The following MAG variants were observed in gnomAD, a reference collection of about 807,000 sequenced individuals.
MAG encodes myelin associated glycoprotein.
A neutral mutation model predicts 60.7 loss-of-function variants in MAG; 30 were observed. The ratio of observed to expected loss-of-function variants is 0.49; its 90% confidence interval spans 0.37 to 0.67. The LOEUF is 0.67. Among genes scored for constraint, MAG ranks in the 30% least tolerant of loss-of-function variants. The probability of loss-of-function intolerance (pLI) is 0.00; values close to 1 mark genes in which losing one functional copy is unlikely to be tolerated. For synonymous variants in MAG, 384 were observed against 376.8 expected, an observed-to-expected ratio of 1.02 and a Z score of -0.22; for missense variants, 795 against 851.7, an observed-to-expected ratio of 0.93 and a Z score of 0.83.
At chr19:35,309,432 C>T (rs1430386324) in intron 7 of MAG, among the ~76,000 whole-genome samples, 2 of 151,862 alleles carry the variant, frequency 1.3e-5, no homozygotes, top group African/African-American at 4.8e-5. Context: ...TTCTTTCATT[C>T]TTTCATTTTT....
At chr19:35,305,081 C>G (rs7249617) in intron 7 of MAG, among the ~76,000 whole-genome samples, 6,666 of 152,196 alleles carry the variant, frequency 0.044, 431 homozygotes, top group African/African-American at 0.14. Context: ...AAAACGAACA[C>G]GCAGGCAGAT....
rs2066385682 is a variant in MAG at position 35,295,075 on chromosome 19, C to T, written c.-23-311C>T. On this transcript the variant is annotated intron_variant, in intron 2 of 10. Coordinates refer to ENST00000392213, the MANE Select transcript of MAG (RefSeq NM_002361.4). The surrounding 1 kb of genome is among the most constrained non-coding windows in gnomAD (Gnocchi z 5.8). ...GACCAGCCTGGGCAACATAGTAAGACCCCACCTCCACAACCATTTCCACAA... is the reference window on the plus strand; with the variant it reads ...GACCAGCCTGGGCAACATAGTAAGATCCCACCTCCACAACCATTTCCACAA... Among the ~76,000 whole-genome samples, 1 of 152,138 alleles carries T rather than the reference C, an allele frequency of 6.6e-6. No homozygotes were observed. Among genetic ancestry groups the T allele is most frequent in the South Asian group, 2.1e-4 (1 of 4,828 alleles).
intron 10 of MAG, 53 bp from the exon 11 acceptor site, chr19:35,313,237 A>G: frequency 2.6e-6 from 4 of 1,566,668 alleles, no homozygotes; most frequent in Non-Finnish European, 3.5e-6. Context: ...TGTCCTCTGC[A>G]TTGGGAAAAG....
chr19:35,305,682 T>TG (rs74172717), intron 7 of MAG, among the ~76,000 whole-genome samples: 1 of 152,126 alleles, frequency 6.6e-6, no homozygotes, highest in Non-Finnish European at 1.5e-5. Context: ...AGGCTGGGCG[T>TG]GGTGGCCCAC....
chr19:35,303,381 A>G (rs1290658125), intron 7 of MAG, among the ~76,000 whole-genome samples: 1 of 152,166 alleles, frequency 6.6e-6, no homozygotes, highest in Non-Finnish European at 1.5e-5. Context: ...TTTAATCCTC[A>G]TGACATCTTC....
intron 7 of MAG, among the ~76,000 whole-genome samples, chr19:35,309,433 T>C (rs1237046585): frequency 6.6e-6 from 1 of 151,930 alleles, no homozygotes; most frequent in Non-Finnish European, 1.5e-5. Context: ...TCTTTCATTC[T>C]TTCATTTTTG....
rs749478596 is a variant in MAG at position 35,302,587 on chromosome 19, C to T, written c.1110C>T (p.Ile370=). 1 of 1,614,236 alleles carries T rather than the reference C, an allele frequency of 6.2e-7. No homozygotes were observed. The highest frequency in any genetic ancestry group is 8.5e-7 in the Non-Finnish European group (1 of 1,180,050). ...AGAAGCAGATCCTGTCCACGGTCAT[C>T]TACGAGAGCGAGCTGCAGCTGGAGC... ...FKEKQILSTV[I]YESELQLELP... Residue 370 remains isoleucine (I), a synonymous_variant, in exon 7 of 11, where the codon ATC becomes ATT. Transcript: ENST00000392213.
At chr19:35,310,967 C>T (rs1599659634) in intron 9 of MAG, among the ~76,000 whole-genome samples, 1 of 152,202 alleles carries the variant, frequency 6.6e-6, no homozygotes, top group Non-Finnish European at 1.5e-5. Context: ...CCCAGGTACC[C>T]CACTGCAGCC....
rs1427551361 is a variant in MAG, at chr19:35,295,438, C to A, written c.30C>A (p.Phe10Leu). ...TATTCCTCACGGCACTGCCTCTGTT[C>A]TGGATTATGATTTCAGGTAACGGCT... is the stretch of plus-strand genomic sequence containing the variant. Reference protein sequence around the residue: MIFLTALPLFWIMISASRGG... With the variant: MIFLTALPLLWIMISASRGG... The change falls in exon 3 of 11, where the codon TTC (phenylalanine) becomes TTA (leucine). Residue 10 changes from phenylalanine to leucine, a missense_variant. Coordinates refer to ENST00000392213, the MANE Select transcript of MAG (RefSeq NM_002361.4). This position sits in a 1 kb window ranked among gnomAD's most constrained non-coding sequence, Gnocchi z 5.8. 6.2e-7 allele frequency: 1 copy of A among 1,614,056 alleles called. No homozygotes were observed. The highest frequency in any genetic ancestry group is 8.5e-7 in the Non-Finnish European group (1 of 1,180,024).
At position 35,299,864 on chromosome 19, in the gene MAG, C is replaced by CGGGAG; in HGVS notation, c.712+17_712+18insAGGGG. 3 of 297,510 alleles carry CGGGAG rather than the reference C, an allele frequency of 1.0e-5. No homozygotes were observed. The highest frequency in any genetic ancestry group is 1.3e-5 in the Non-Finnish European group (3 of 239,854). The allele number at this position is 297,510 out of a possible 1,614,324, so 18.4% of individuals were successfully genotyped here. ...TGGACGTCAAGTGTGAGCCTGGGTGCGGGCGGGGCGGGGTGGGGCGGGGTG... is the reference window on the plus strand; with the variant it reads ...TGGACGTCAAGTGTGAGCCTGGGTGCGGGAGGGGCGGGGCGGGGTGGGGCGGGGTG... On this transcript the variant is annotated intron_variant, in intron 5 of 10. Coordinates refer to ENST00000392213, the MANE Select transcript of MAG (RefSeq NM_002361.4).
At chr19:35,296,318 T>G (rs1158089988) in intron 4 of MAG, among the ~76,000 whole-genome samples, 1 of 152,212 alleles carries the variant, frequency 6.6e-6, no homozygotes, top group African/African-American at 2.4e-5. Context: ...GTGACTTAAC[T>G]TCCTTGGGCC....
rs925936464 is a variant in MAG, at chr19:35,295,134, G to A, written c.-23-252G>A. Among the ~76,000 whole-genome samples, 4 of 152,070 alleles carry A rather than the reference G, an allele frequency of 2.6e-5. No individual in the cohort carries two copies. Among genetic ancestry groups the A allele is most frequent in the African/African-American group, 4.8e-5 (2 of 41,388 alleles). ...AAAAATTAACTGGGTGTGGGGTGGCGCATACCAGAAGCTGAGACAAGAGGA... is the reference window on the plus strand; with the variant it reads ...AAAAATTAACTGGGTGTGGGGTGGCACATACCAGAAGCTGAGACAAGAGGA... On this transcript the variant is annotated intron_variant, in intron 2 of 10. Transcript: ENST00000392213. The surrounding 1 kb of genome is among the most constrained non-coding windows in gnomAD (Gnocchi z 5.8).
intron 4 of MAG, among the ~76,000 whole-genome samples, chr19:35,297,589 C>A (rs1422604382): frequency 7.0e-6 from 1 of 143,762 alleles, no homozygotes; most frequent in African/African-American, 2.6e-5. Flanking sequence ...CACACACACA[C>A]CACACACCTC....
At chr19:35,301,295 G>C (rs952114800) in intron 6 of MAG, among the ~76,000 whole-genome samples, 1 of 152,224 alleles carries the variant, frequency 6.6e-6, no homozygotes, top group Non-Finnish European at 1.5e-5. Context: ...GAGCTGGTCA[G>C]AAGAGGATTC....
In MAG at chr19:35,295,778, C is replaced by G; in HGVS notation, c.212C>G (p.Pro71Arg). The change falls in exon 4 of 11, where the codon CCG (proline) becomes CGG (arginine). Residue 71 changes from proline to arginine, a missense_variant. Pro to Arg is a moderately radical substitution (Grantham distance 103). Coordinates refer to ENST00000392213, the MANE Select transcript of MAG (RefSeq NM_002361.4). This position sits in a 1 kb window ranked among gnomAD's most constrained non-coding sequence, Gnocchi z 5.8. ...AGCCCCTACCCCAAGAACTACCCCC[C>G]GGTGGTCTTCAAGTCGCGCACCCAA... ...FNSPYPKNYP[P>R]VVFKSRTQVV... 6.2e-7 allele frequency: 1 copy of G among 1,613,984 alleles called. No individual in the cohort carries two copies. Among genetic ancestry groups the G allele is most frequent in the Non-Finnish European group, 8.5e-7 (1 of 1,180,018 alleles).
chr19:35,292,226 C>T (rs1413947752), intron 1 of MAG, 22 bp downstream of exon 1: 6 of 455,708 alleles, frequency 1.3e-5, no homozygotes, highest in Non-Finnish European at 2.6e-5. Flanking sequence ...GGCAGGGAGG[C>T]CAGGGCAAGG....
rs116478508 is a variant in MAG at position 35,308,070 on chromosome 19, C to T, written c.1232-1804C>T. Among the ~76,000 whole-genome samples the T allele has an allele frequency of 9.4e-3, 1,430 of 152,242 alleles. 32 individuals carry two copies. The highest frequency in any genetic ancestry group is 0.033 in the African/African-American group (1,351 of 41,540). On this transcript the variant is annotated intron_variant, in intron 7 of 10. Coordinates refer to ENST00000392213, the MANE Select transcript of MAG (RefSeq NM_002361.4). ...GCCCAGAGTGGAGAAGGAGCAAGCC[C>T]CTGTCTTGATGGAAACAGGAGGCCC... is the stretch of plus-strand genomic sequence containing the variant.
Position 35,299,624 on chromosome 19 carries a change from G to T in MAG, c.486G>T (p.Pro162=). 6.2e-7 allele frequency: 1 copy of T among 1,610,422 alleles called. No homozygotes were observed. The highest frequency in any genetic ancestry group is 8.5e-7 in the Non-Finnish European group (1 of 1,178,140). The change falls in exon 5 of 11, where the codon CCG becomes CCT. Residue 162 remains proline (P), a synonymous_variant. Transcript: ENST00000392213. Reference sequence around the variant, plus strand: ...AGGTGGAGGTCAGCTGCATGGTGCCGGACAACTGCCCAGAGCTGCGCCCTG... The same window carrying T: ...AGGTGGAGGTCAGCTGCATGGTGCCTGACAACTGCCCAGAGCTGCGCCCTG... ...GTEVEVSCMV[P]DNCPELRPEL...
At chr19:35,301,429 C>CTTTTTTT (rs67343866) in intron 6 of MAG, among the ~76,000 whole-genome samples, 4 of 105,738 alleles carry the variant, frequency 3.8e-5, no homozygotes, top group Non-Finnish European at 5.5e-5. Flanking sequence ...CTCTTGAGTG[C>CTTTTTTT]TTTTTTTTTT....
Sources: allele counts gnomAD v4.1 joint callset (sites outside exome capture counted in the v4.1 genomes callset), GRCh38; gene constraint gnomAD v4.1.1; non-coding constraint Gnocchi (gnomAD v3.1); transcripts MANE v1.5; gene names NCBI Gene and HGNC (gene_info 2026-07-23, HGNC 2026-07-21).